Variants in NWD1 observed in about 807,000 individuals in gnomAD.
NWD1 encodes NACHT domain- and WD repeat-containing protein 1.
NWD1 carries 129 observed loss-of-function variants against 135.1 expected under a neutral mutation model. That is an observed-to-expected ratio of 0.96 (90% confidence interval 0.83 to 1.11). NWD1 has a LOEUF of 1.11. Ranked by LOEUF, NWD1 falls within the 50% of genes least tolerant of loss-of-function variation. NWD1 has a pLI of 0.00. For missense variants in NWD1, 1,740 were observed against 1,851.3 expected (o/e 0.94, Z 1.10); for synonymous variants, 773 against 786.0 (o/e 0.98, Z 0.28).
At chr19:16,807,218 G>A (rs1381442045) in intron 17 of NWD1, among the ~76,000 whole-genome samples, 3 of 151,604 alleles carry the variant, frequency 2.0e-5, no homozygotes, top group Non-Finnish European at 2.9e-5. Flanking sequence ...ACCAGGCCGG[G>A]TGTGGTGGCT....
At chr19:16,772,993 A>C in intron 10 of NWD1, 133 bp from the exon 11 acceptor site, 1 of 730,932 alleles carries the variant, frequency 1.4e-6, no homozygotes, top group Non-Finnish European at 2.4e-6. Context: ...ACAGGAGCGG[A>C]CAGCAGAGGC....
At chr19:16,786,454 T>C (rs894642977) in intron 12 of NWD1, among the ~76,000 whole-genome samples, 6 of 152,158 alleles carry the variant, frequency 3.9e-5, no homozygotes, top group Non-Finnish European at 8.8e-5. Flanking sequence ...GTAGTGAGCA[T>C]GGTACCCAAG....
Position 16,779,365 on chromosome 19 carries a change from T to C in NWD1, c.2631T>C (p.Gly877=), listed in dbSNP as rs1599518005. ...CAGGCATCACCGCCATGGCATGGGG[T>C]GTGGAGGAGAAGCTGCTGGTGATTG... The part of the protein sequence containing the change: ...CHKGITAMAW[G]VEEKLLVIGT... The change falls in exon 12 of 19, where the codon GGT becomes GGC. Residue 877 remains glycine, a synonymous_variant. Coordinates refer to ENST00000524140, the MANE Select transcript of NWD1 (RefSeq NM_001007525.5). 1 of 1,613,508 alleles carries C rather than the reference T, an allele frequency of 6.2e-7. No homozygotes were observed. Among genetic ancestry groups the C allele is most frequent in the Admixed American group, 1.7e-5 (1 of 59,912 alleles).
chr19:16,766,389 G>A (rs931969098), intron 10 of NWD1, among the ~76,000 whole-genome samples: 30 of 152,060 alleles, frequency 2.0e-4, no homozygotes, highest in African/African-American at 7.2e-4. Context: ...GTGACAGAGC[G>A]AGACCCTGTC....
intron 2 of NWD1, among the ~76,000 whole-genome samples, chr19:16,730,845 A>G (rs1279268835): frequency 6.6e-6 from 1 of 152,050 alleles, no homozygotes; most frequent in East Asian, 1.9e-4. Context: ...CCTAGGAAAC[A>G]TAAGGAGACT....
chr19:16,796,300 A>G (rs1431362133), intron 15 of NWD1, among the ~76,000 whole-genome samples: 2 of 152,044 alleles, frequency 1.3e-5, no homozygotes, highest in Non-Finnish European at 2.9e-5. Context: ...TGTCTCTACT[A>G]AAAATACAAA....
At chr19:16,808,689 C>T (rs1251184846) in intron 18 of NWD1, among the ~76,000 whole-genome samples, 2 of 152,014 alleles carry the variant, frequency 1.3e-5, no homozygotes, top group Non-Finnish European at 2.9e-5. Flanking sequence ...CTCATTGCAG[C>T]CTCAATCTCC....
intron 10 of NWD1, among the ~76,000 whole-genome samples, chr19:16,770,892 C>T (rs1210228680): frequency 6.6e-6 from 1 of 152,148 alleles, no homozygotes; most frequent in African/African-American, 2.4e-5. Context: ...GATGCTGGTG[C>T]CTGCAATCAT....
At chr19:16,721,321 C>T (rs1967127900) in intron 1 of NWD1, 2 of 152,026 alleles carry the variant, frequency 1.3e-5, no homozygotes, top group African/African-American at 4.8e-5. Context: ...TGGAGGAAGT[C>T]TGGGAGAGAG....
At chr19:16,746,473 G>A (rs1042425027) in intron 5 of NWD1, among the ~76,000 whole-genome samples, 3 of 152,032 alleles carry the variant, frequency 2.0e-5, no homozygotes, top group African/African-American at 7.2e-5. Context: ...AGGAGTTCAA[G>A]ACCAGCCTGG....
chr19:16,759,775 C>A (rs1968937904), intron 7 of NWD1, among the ~76,000 whole-genome samples: 1 of 151,454 alleles, frequency 6.6e-6, no homozygotes, highest in South Asian at 2.1e-4. Flanking sequence ...TGGCGGATCA[C>A]CTGAGGTCAG....
At chr19:16,747,167 G>T (rs1261101076) in intron 5 of NWD1, among the ~76,000 whole-genome samples, 1 of 150,162 alleles carries the variant, frequency 6.7e-6, no homozygotes, top group Non-Finnish European at 1.5e-5. Flanking sequence ...CTCCTAAGTT[G>T]CTGGGATTAC....
intron 14 of NWD1, 131 bp from the exon 15 acceptor site, chr19:16,794,332 C>T: frequency 5.3e-6 from 3 of 566,500 alleles, no homozygotes; most frequent in South Asian, 2.2e-5. Flanking sequence ...TACCACCGCA[C>T]TCCTGCCTGG....
chr19:16,770,302 T>C (rs995948753), intron 10 of NWD1, among the ~76,000 whole-genome samples: 1 of 152,146 alleles, frequency 6.6e-6, no homozygotes, highest in African/African-American at 2.4e-5. Flanking sequence ...GATGGGGCTT[T>C]TTAAAATAAG....
rs748043520 is a variant in NWD1, at chr19:16,749,766, C to T, written c.1124C>T (p.Thr375Met). 3.6e-5 allele frequency: 58 copies of T among 1,606,602 alleles called. No homozygotes were observed. The highest frequency in any genetic ancestry group is 1.7e-4 in the African/African-American group (13 of 74,840). Residue 375 changes from threonine to methionine, a missense_variant, in exon 6 of 19, where the codon ACG (threonine) becomes ATG (methionine). Physicochemically the swap from Thr to Met is moderately conservative, Grantham distance 81 (BLOSUM62 -1). Coordinates refer to ENST00000524140, the MANE Select transcript of NWD1 (RefSeq NM_001007525.5). ...KTVTVLRLLG[T>M]SQMSSDARGL... is the part of the protein sequence containing the mutation. ...GTGACCGTCCTGCGGCTGCTGGGGA[C>T]GTCACAAATGAGCTCAGATGCCCGT...
intron 6 of NWD1, among the ~76,000 whole-genome samples, chr19:16,756,698 C>T (rs777037793): frequency 3.0e-4 from 45 of 152,082 alleles, no homozygotes; most frequent in Admixed American, 6.6e-5. Context: ...GCTACACATC[C>T]TACAATAGGG....
chr19:16,786,217 C>T (rs73521286), intron 12 of NWD1, among the ~76,000 whole-genome samples: 6,964 of 151,718 alleles, frequency 0.046, 515 homozygotes, highest in African/African-American at 0.16. Flanking sequence ...CTATGTTGCC[C>T]GGCTTGTCTC....
chr19:16,728,665 C>A (rs572544021), intron 2 of NWD1, among the ~76,000 whole-genome samples: 1 of 151,792 alleles, frequency 6.6e-6, no homozygotes, highest in African/African-American at 2.4e-5. Flanking sequence ...TAATTGCAGG[C>A]CGGGTGCAGT....
intron 12 of NWD1, among the ~76,000 whole-genome samples, chr19:16,788,081 T>A (rs1970111161): frequency 6.9e-6 from 1 of 145,702 alleles, no homozygotes. Context: ...ATACAAAAAA[T>A]TTGCCAAGTG....
Sources: gnomAD v4.1 joint callset for allele counts (sites outside exome capture counted in the v4.1 genomes callset) on GRCh38, gnomAD v4.1.1 for gene constraint, MANE v1.5 for transcripts, NCBI Gene and HGNC (gene_info 2026-07-23, HGNC 2026-07-21) for gene names.